The following PLSCR2 variants were observed in gnomAD, a reference collection of about 807,000 sequenced individuals.
The protein encoded by PLSCR2 is phospholipid scramblase 2.
A neutral mutation model predicts 25.3 loss-of-function variants in PLSCR2; 18 were observed. That is an observed-to-expected ratio of 0.71 (90% CI 0.49 to 1.06). The LOEUF is 1.06. PLSCR2 is among the 50% of genes least tolerant of loss of function. The pLI is 0.00. For synonymous variants in PLSCR2, 88 were observed against 87.3 expected (o/e 1.01, Z -0.04); for missense variants, 243 against 269.5 (o/e 0.90, Z 0.69).
chr3:146,441,256 C>T (rs2040226581), downstream of PLSCR2, among the ~76,000 whole-genome samples: 1 of 151,922 alleles, frequency 6.6e-6, no homozygotes, highest in Admixed American at 6.6e-5. Context: ...TTTACTTTTG[C>T]TTGAGAATAT....
At chr3:146,488,732 A>G (rs895681834) in intron 1 of PLSCR2, among the ~76,000 whole-genome samples, 5 of 151,842 alleles carry the variant, frequency 3.3e-5, no homozygotes, top group South Asian at 2.1e-4. Context: ...GGGAATCTAA[A>G]CTAAACCATT....
chr3:146,478,648 G>C (rs2043017626), intron 1 of PLSCR2, among the ~76,000 whole-genome samples: 1 of 152,178 alleles, frequency 6.6e-6, no homozygotes, highest in Non-Finnish European at 1.5e-5. Context: ...GAGGAGAATT[G>C]AACCAAGTTA....
chr3:146,489,170 A>G (rs114685947), intron 1 of PLSCR2, among the ~76,000 whole-genome samples: 1 of 151,902 alleles, frequency 6.6e-6, no homozygotes. Context: ...ATGTTGGGGC[A>G]GTAGTAGGGG....
intron 2 of PLSCR2, among the ~76,000 whole-genome samples, chr3:146,405,287 G>A (rs781134941): frequency 5.3e-5 from 8 of 152,274 alleles, no homozygotes; most frequent in East Asian, 3.9e-4. Flanking sequence ...TGATAGACTC[G>A]GGGCTTTGGG....
downstream of PLSCR2, chr3:146,441,682 A>G: frequency 1.4e-6 from 1 of 718,658 alleles, no homozygotes. Context: ...TTAAATAAAG[A>G]AAAGAAAAAA....
chr3:146,444,307 G>GT (rs1458929513), intron 6 of PLSCR2, among the ~76,000 whole-genome samples: 9 of 151,836 alleles, frequency 5.9e-5, no homozygotes, highest in Admixed American at 1.3e-4. Context: ...TCAATTTGAT[G>GT]TTTTTTTGTT....
intron 2 of PLSCR2, 84 bp from the exon 3 acceptor site, chr3:146,458,537 C>A: frequency 5.4e-6 from 5 of 933,910 alleles, no homozygotes; most frequent in South Asian, 2.6e-5. Flanking sequence ...TTTAATACTG[C>A]ATATAATCAG....
intron 2 of PLSCR2, among the ~76,000 whole-genome samples, chr3:146,402,464 C>A (rs1473280886): frequency 6.6e-6 from 1 of 151,854 alleles, no homozygotes; most frequent in African/African-American, 2.4e-5. Flanking sequence ...ATTAAACATT[C>A]TGGTGTTTTT....
Position 146,449,472 on chromosome 3 carries a change from C to T in PLSCR2, c.484-105G>A, listed in dbSNP as rs185707371. 4.6e-3 allele frequency: 3,234 copies of T among 709,614 alleles called. 31 individuals carry two copies. The highest frequency in any genetic ancestry group is 0.016 in the Admixed American group (605 of 37,100). 44.0% of individuals were successfully genotyped at this position (709,614 alleles called of 1,614,324 possible). On this transcript the variant is annotated intron_variant, in intron 5 of 6. Transcript: ENST00000610787. ...AAGGAAATATTATAGTACATTTATGCACCATACATGAGTATACAGTTAATA... is the reference window on the plus strand; with the variant it reads ...AAGGAAATATTATAGTACATTTATGTACCATACATGAGTATACAGTTAATA...
chr3:146,394,553 A>G (rs1408371829), intron 3 of PLSCR2, among the ~76,000 whole-genome samples: 1 of 152,226 alleles, frequency 6.6e-6, no homozygotes, highest in Admixed American at 6.5e-5. Flanking sequence ...GGTGTCAGCC[A>G]CCGTGCCTGG....
At chr3:146,455,981 G>A (rs1425805632) in intron 3 of PLSCR2, among the ~76,000 whole-genome samples, 1 of 152,154 alleles carries the variant, frequency 6.6e-6, no homozygotes, top group Admixed American at 6.6e-5. Context: ...CATAAAAAGT[G>A]AGAGGCAAAA....
At chr3:146,493,103 C>T (rs938513212) in intron 1 of PLSCR2, among the ~76,000 whole-genome samples, 1 of 151,872 alleles carries the variant, frequency 6.6e-6, no homozygotes, top group Non-Finnish European at 1.5e-5. Context: ...CAACATTAAA[C>T]CAGGAAGAAA....
upstream of PLSCR2, chr3:146,463,759 G>C: frequency 2.0e-6 from 1 of 501,236 alleles, no homozygotes; most frequent in South Asian, 8.6e-5. Flanking sequence ...GCAATCCTAA[G>C]TGGTAAATAA....
chr3:146,447,164 G>A (rs2040602367), intron 6 of PLSCR2, among the ~76,000 whole-genome samples: 1 of 152,158 alleles, frequency 6.6e-6, no homozygotes, highest in African/African-American at 2.4e-5. Context: ...GGACTCTAGA[G>A]CCCACTTGAT....
intron 2 of PLSCR2, among the ~76,000 whole-genome samples, chr3:146,410,974 C>T (rs1220616380): frequency 6.6e-6 from 1 of 152,146 alleles, no homozygotes; most frequent in Non-Finnish European, 1.5e-5. Flanking sequence ...GGTGACGGCC[C>T]ATTCGAACTC....
intron 1 of PLSCR2, among the ~76,000 whole-genome samples, chr3:146,490,459 C>T (rs2043505338): frequency 6.6e-6 from 1 of 152,010 alleles, no homozygotes; most frequent in Non-Finnish European, 1.5e-5. Context: ...TGAAGACTCC[C>T]CCTATTATTG....
chr3:146,426,160 C>A (rs928949892), intron 2 of PLSCR2, among the ~76,000 whole-genome samples: 4 of 148,660 alleles, frequency 2.7e-5, no homozygotes, highest in African/African-American at 9.9e-5. Flanking sequence ...CTCTCTGTTT[C>A]CCCCCTTTAT....
intron 2 of PLSCR2, among the ~76,000 whole-genome samples, chr3:146,428,040 A>G (rs532168604): frequency 7.2e-5 from 11 of 152,288 alleles, no homozygotes; most frequent in Non-Finnish European, 1.6e-4. Context: ...TTAGATTGCA[A>G]AACAAAGGAT....
intron 1 of PLSCR2, among the ~76,000 whole-genome samples, chr3:146,468,318 G>A (rs2041956733): frequency 6.6e-6 from 1 of 152,180 alleles, no homozygotes; most frequent in African/African-American, 2.4e-5. Flanking sequence ...CTTAGGAAAA[G>A]TTCAAGAAAG....
Sources: gnomAD v4.1 joint callset for allele counts (sites outside exome capture counted in the v4.1 genomes callset) on GRCh38, gnomAD v4.1.1 for gene constraint, MANE v1.5 for transcripts, NCBI Gene and HGNC (gene_info 2026-07-23, HGNC 2026-07-21) for gene names.